CAMK1: variants seen among roughly 807,000 people sequenced by gnomAD.
CAMK1 encodes the protein calcium/calmodulin dependent protein kinase I.
CAMK1 carries 39 observed loss-of-function variants against 49.1 expected under a neutral mutation model. The observed-to-expected ratio is 0.79, with a 90% CI of 0.62 to 1.04. The LOEUF is 1.04. Among genes scored for constraint, CAMK1 ranks in the 50% least tolerant of loss-of-function variants. The pLI is 0.00. For synonymous variants in CAMK1, 192 were observed against 185.2 expected, an observed-to-expected ratio of 1.04 and a Z score of -0.30; for missense variants, 457 against 472.2, an observed-to-expected ratio of 0.97 and a Z score of 0.30.
chr3:9,769,541 C>T (rs1378672049), intron 1 of CAMK1, among the ~76,000 whole-genome samples: 2 of 152,102 alleles, frequency 1.3e-5, no homozygotes, highest in African/African-American at 4.8e-5. Flanking sequence ...ACTCCGCAAG[C>T]CCCCCCACCC....
intron 2 of CAMK1, 68 bp downstream of exon 2, chr3:9,767,599 C>T: frequency 6.3e-7 from 1 of 1,597,504 alleles, no homozygotes; most frequent in East Asian, 2.2e-5. Context: ...ATTAATTGAC[C>T]AGAGGAAGCC....
chr3:9,757,767 G>A lies in CAMK1; in HGVS notation c.992C>T (p.Thr331Met), dbSNP rs749937650. The A allele has an allele frequency of 3.2e-5, 51 of 1,613,936 alleles. No homozygotes were observed. In the East Asian group the frequency reaches 5.8e-4, roughly 18 times the overall value. The change falls in exon 11 of 12, where the codon ACG (threonine) becomes ATG (methionine). Residue 331 changes from threonine (T) to methionine (M), a missense_variant. Physicochemically the swap from Thr to Met is moderately conservative, Grantham distance 81 (BLOSUM62 -1). Coordinates refer to ENST00000256460, the MANE Select transcript of CAMK1 (RefSeq NM_003656.5). The surrounding 1 kb of genome is among the most constrained non-coding windows in gnomAD (Gnocchi z 4.5). ...LGTSQEGQGQTASHGELLTPV... is the reference protein window; with the variant it reads ...LGTSQEGQGQMASHGELLTPV... ...TGTCAGCAGCTCCCCATGGCTCGCC[G>A]TCTGCCCCTGCCCCTCCTGGCTGGT...
At position 9,767,658 on chromosome 3, in the gene CAMK1, T is replaced by A; in HGVS notation, c.83+9A>T. 6.2e-7 allele frequency: 1 copy of A among 1,613,906 alleles called. No homozygotes were observed. Among genetic ancestry groups the A allele is most frequent in the Non-Finnish European group, 8.5e-7 (1 of 1,179,900 alleles). On this transcript the variant is annotated intron_variant, in intron 2 of 11. Transcript: ENST00000256460. ...AGCCATCCAGCACCCAATCCTGCCC[T>A]GGACTCACGTGCCCAGAACATCTCG...
chr3:9,769,651 C>G (rs1027705294), intron 1 of CAMK1, among the ~76,000 whole-genome samples, 181 bp downstream of exon 1: 1 of 152,212 alleles, frequency 6.6e-6, no homozygotes, highest in Non-Finnish European at 1.5e-5. Context: ...CCCATAGGCC[C>G]GCCTGGCACC....
chr3:9,764,626 TTG>T (rs1324961888), intron 3 of CAMK1, among the ~76,000 whole-genome samples: 7,186 of 126,010 alleles, frequency 0.057, 619 homozygotes, highest in African/African-American at 0.1. Flanking sequence ...TGTTTTTTTT[TTG>T]TTTTTTTTTT....
chr3:9,762,853 T>G (rs912512414), intron 5 of CAMK1, 61 bp downstream of exon 5: 2 of 1,555,144 alleles, frequency 1.3e-6, no homozygotes, highest in African/African-American at 2.7e-5. Context: ...TCAGACAGTT[T>G]GGGGTTTGCA....
At chr3:9,760,634 A>C (rs2077813266) in intron 8 of CAMK1, 22 bp downstream of exon 8, 3 of 1,612,186 alleles carry the variant, frequency 1.9e-6, no homozygotes, top group African/African-American at 1.3e-5. Flanking sequence ...GGCCCAGGGG[A>C]AAAAAGCAAA....
intron 1 of CAMK1, among the ~76,000 whole-genome samples, chr3:9,768,688 C>G (rs1413302568): frequency 6.6e-6 from 1 of 152,178 alleles, no homozygotes; most frequent in Admixed American, 6.5e-5. Context: ...ACACAGCCTC[C>G]CAACCCATCC....
Position 9,760,434 on chromosome 3 carries a change from G to A in CAMK1, c.745+222C>T. 1.8e-5 allele frequency: 9 copies of A among 495,618 alleles called. No homozygotes were observed. The South Asian group carries it at 1.9e-4, about 11-fold the overall frequency. The allele number at this position is 495,618 out of a possible 1,614,324, so 30.7% of individuals were successfully genotyped here. A position where few individuals can be genotyped will look rare whatever the true frequency, so the allele number is the denominator to read the frequency against. ...AGGTATTTTCAAATAGACTATGTTT[G>A]AAGATTGAACAAATGAATGCCTAGT... On this transcript the variant is annotated intron_variant, in intron 8 of 11. Transcript: ENST00000256460.
intron 7 of CAMK1, 126 bp downstream of exon 7, chr3:9,761,331 AATTG>A: frequency 3.4e-6 from 3 of 872,594 alleles, no homozygotes; most frequent in Non-Finnish European, 3.5e-6. Context: ...TAATACTGGT[AATTG>A]ATTGGTGGAA....
chr3:9,769,114 G>A (rs967000539), intron 1 of CAMK1, among the ~76,000 whole-genome samples: 1 of 151,742 alleles, frequency 6.6e-6, no homozygotes, highest in Non-Finnish European at 1.5e-5. Flanking sequence ...CAGCACACAT[G>A]TCCACACCAC....
At chr3:9,768,617 G>A (rs1352940408) in intron 1 of CAMK1, among the ~76,000 whole-genome samples, 1 of 152,220 alleles carries the variant, frequency 6.6e-6, no homozygotes, top group East Asian at 1.9e-4. Context: ...GAGGGCAAAG[G>A]CCATCGAATG....
chr3:9,765,699 G>A, intron 3 of CAMK1, 60 bp downstream of exon 3: 1 of 1,573,946 alleles, frequency 6.4e-7, no homozygotes, highest in Non-Finnish European at 8.7e-7. Flanking sequence ...AGGAAAGGAG[G>A]AGGATGGGAG....
chr3:9,767,492 C>T (rs867173215), intron 2 of CAMK1, among the ~76,000 whole-genome samples, 175 bp downstream of exon 2: 5 of 152,202 alleles, frequency 3.3e-5, no homozygotes, highest in East Asian at 1.9e-4. Context: ...GAGAGCAGCC[C>T]GTGTCCCACC....
At chr3:9,758,016 A>G in intron 10 of CAMK1, 170 bp from the exon 11 acceptor site, 1 of 980,164 alleles carries the variant, frequency 1.0e-6, no homozygotes, top group South Asian at 1.8e-5. Context: ...TTTATTATAT[A>G]TTTACACACA....
intron 2 of CAMK1, chr3:9,766,716 TA>T: frequency 1.3e-6 from 1 of 773,220 alleles, no homozygotes; most frequent in Non-Finnish European, 1.6e-6. Context: ...TCTGGGAGAA[TA>T]AGAAGTCATA....
intron 2 of CAMK1, 135 bp downstream of exon 2, chr3:9,767,532 A>G (rs1280430471): frequency 9.4e-7 from 1 of 1,065,126 alleles, no homozygotes; most frequent in Non-Finnish European, 1.4e-6. Flanking sequence ...AAAGCTGGGG[A>G]CAGTTTAGGC....
intron 3 of CAMK1, among the ~76,000 whole-genome samples, chr3:9,764,838 G>T (rs1168672624): frequency 6.6e-6 from 1 of 151,876 alleles, no homozygotes; most frequent in East Asian, 1.9e-4. Flanking sequence ...CTCCGTGTTG[G>T]TCAGGCGATA....
At chr3:9,766,085 C>T in intron 2 of CAMK1, 195 bp from the exon 3 acceptor site, 1 of 1,529,100 alleles carries the variant, frequency 6.5e-7, no homozygotes. Context: ...AGTCTCTCCC[C>T]TGGCCACAGT....
Sources: gnomAD v4.1 joint callset for allele counts (sites outside exome capture counted in the v4.1 genomes callset) on GRCh38, gnomAD v4.1.1 for gene constraint, Gnocchi (gnomAD v3.1) non-coding constraint, MANE v1.5 for transcripts, NCBI Gene and HGNC (gene_info 2026-07-23, HGNC 2026-07-21) for gene names.